The following GSN variants were observed in gnomAD, a reference collection of about 807,000 sequenced individuals.
GSN encodes gelsolin.
GSN carries 56 observed loss-of-function variants against 85.7 expected under a neutral mutation model. The ratio of observed to expected loss-of-function variants is 0.65; its 90% CI spans 0.53 to 0.82. GSN has a LOEUF of 0.82. Among genes scored for constraint, GSN ranks in the 40% least tolerant of loss-of-function variants. The probability of loss-of-function intolerance (pLI) is 0.00; values close to 1 mark genes in which losing one functional copy is unlikely to be tolerated. For synonymous variants in GSN, 373 were observed against 399.1 expected (o/e 0.93, Z 0.78); for missense variants, 857 against 979.8 (o/e 0.87, Z 1.67).
Position 121,299,855 on chromosome 9 carries a change from C to G in GSN, c.-9-2108C>G. On this transcript the variant is annotated intron_variant, in intron 2 of 17. Coordinates refer to ENST00000432226, the MANE Select transcript of GSN (RefSeq NM_198252.3). This position sits in a 1 kb window ranked among gnomAD's most constrained non-coding sequence, Gnocchi z 4.2. ...TGCCGACTGGGTCCCCTGCCGCTGT[C>G]GCCACCATGGCTCCGCACCGCCCCG... 2.2e-6 allele frequency: 3 copies of G among 1,354,824 alleles called. No individual in the cohort carries two copies. Among genetic ancestry groups the G allele is most frequent in the Non-Finnish European group, 2.9e-6 (3 of 1,044,722 alleles). The allele number at this position is 1,354,824 out of a possible 1,614,324, so 83.9% of individuals were successfully genotyped here.
intron 1 of GSN, among the ~76,000 whole-genome samples, chr9:121,208,946 C>T (rs1188112076): frequency 6.6e-6 from 1 of 152,234 alleles, no homozygotes; most frequent in African/African-American, 2.4e-5. Context: ...ATCTTTCCCA[C>T]CAGTGCAGTT....
intron 5 of GSN, among the ~76,000 whole-genome samples, chr9:121,243,804 C>T (rs1423467293): frequency 6.6e-6 from 1 of 152,194 alleles, no homozygotes. Context: ...TCTTGAACTC[C>T]TGACCTCAGG....
intron 1 of GSN, among the ~76,000 whole-genome samples, chr9:121,276,189 C>A (rs880823): frequency 0.38 from 57,551 of 152,178 alleles, 13,571 homozygotes; most frequent in East Asian, 0.62. Flanking sequence ...TTATAAAGAG[C>A]CTGATTATTC....
intron 6 of GSN, among the ~76,000 whole-genome samples, chr9:121,256,301 C>T (rs2054958009): frequency 6.6e-6 from 1 of 151,662 alleles, no homozygotes; most frequent in African/African-American, 2.4e-5. Context: ...GAGTAAGGAG[C>T]CAAAAGAAAA....
At chr9:121,266,032 C>A (rs148937344), upstream of GSN, among the ~76,000 whole-genome samples, 211 of 152,318 alleles carry the variant, frequency 1.4e-3, no homozygotes, top group African/African-American at 4.9e-3. Flanking sequence ...TCATCATTAT[C>A]TTCATTATCA....
chr9:121,306,248 C>A (rs1190798128), intron 4 of GSN, among the ~76,000 whole-genome samples: 1 of 152,196 alleles, frequency 6.6e-6, no homozygotes. Flanking sequence ...ATCACTGGAA[C>A]CTTTCTGTCC....
intron 2 of GSN, chr9:121,283,459 G>A (rs1001170709): frequency 3.9e-5 from 6 of 153,660 alleles, no homozygotes; most frequent in African/African-American, 1.5e-4. Flanking sequence ...CACCATACCC[G>A]GCTAATGTTT....
chr9:121,310,845 C>T lies in GSN; in HGVS notation c.513C>T (p.Asn171=), dbSNP rs765499763. 1.1e-5 allele frequency: 17 copies of T among 1,613,774 alleles called. No individual in the cohort carries two copies. Among genetic ancestry groups the T allele is most frequent in the Middle Eastern group, 1.7e-4 (1 of 5,928 alleles). ...NGDCFILDLG[N]NIHQWCGSNS... is the part of the protein sequence containing the mutation. Reference sequence around the variant, plus strand: ...ACTGCTTCATCCTGGACCTGGGCAACGTGAGTCCTGCTTTCCTCTTTCCCA... The same window carrying T: ...ACTGCTTCATCCTGGACCTGGGCAATGTGAGTCCTGCTTTCCTCTTTCCCA... The change falls in exon 5 of 18, where the codon AAC becomes AAT. Residue 171 remains asparagine (N), a splice_region_variant and synonymous_variant. Transcript: ENST00000432226.
intron 1 of GSN, among the ~76,000 whole-genome samples, chr9:121,272,269 G>C (rs963394820): frequency 1.3e-5 from 2 of 152,180 alleles, no homozygotes; most frequent in East Asian, 3.9e-4. Context: ...AGCAATTTAA[G>C]AATAGGGCAG....
intron 4 of GSN, among the ~76,000 whole-genome samples, chr9:121,213,159 A>G (rs2053998356): frequency 6.6e-6 from 1 of 152,204 alleles, no homozygotes. Flanking sequence ...AGTATCTACA[A>G]GTTATAAAAT....
chr9:121,251,939 C>T (rs188108925), intron 6 of GSN, among the ~76,000 whole-genome samples: 3 of 152,124 alleles, frequency 2.0e-5, no homozygotes, highest in South Asian at 2.1e-4. Flanking sequence ...CCAGCCTGGG[C>T]GACAAGAGCA....
intron 11 of GSN, among the ~76,000 whole-genome samples, chr9:121,322,690 A>G (rs2062626492): frequency 6.6e-6 from 1 of 152,180 alleles, no homozygotes; most frequent in African/African-American, 2.4e-5. Context: ...CTGGTTCCCT[A>G]TAGTCACACT....
intron 2 of GSN, among the ~76,000 whole-genome samples, chr9:121,298,152 G>T (rs746831170): frequency 1.3e-4 from 19 of 151,930 alleles, no homozygotes; most frequent in Non-Finnish European, 2.2e-4. Flanking sequence ...TGGCACACAG[G>T]CCTCGGTGAC....
chr9:121,267,626 C>T (rs1312899131), upstream of GSN, among the ~76,000 whole-genome samples: 1 of 152,112 alleles, frequency 6.6e-6, no homozygotes, highest in African/African-American at 2.4e-5. Flanking sequence ...ACTTTAAGGA[C>T]CAGGGATGCA....
chr9:121,246,986 G>A (rs1289875496), intron 5 of GSN, among the ~76,000 whole-genome samples: 1 of 152,308 alleles, frequency 6.6e-6, no homozygotes, highest in East Asian at 1.9e-4. Context: ...TCCCAGAGAC[G>A]TGTAGGTGGG....
chr9:121,221,401 C>T (rs774104593), intron 4 of GSN, among the ~76,000 whole-genome samples: 4 of 152,222 alleles, frequency 2.6e-5, no homozygotes, highest in Non-Finnish European at 4.4e-5. Flanking sequence ...CCCAGCCCAG[C>T]CCCCAGAAGG....
In GSN at chr9:121,329,201, G is replaced by T. The variant is rs778729071; in HGVS notation, c.1888-37G>T. On this transcript the variant is annotated intron_variant, in intron 15 of 17. Transcript: ENST00000432226. The surrounding 1 kb of genome is among the most constrained non-coding windows in gnomAD (Gnocchi z 4.6). ...ATAAAGGAAGGCCACCCAGGGGAGGGAAGACATCTCACTGATGCTCTTTCG... is the reference window on the plus strand; with the variant it reads ...ATAAAGGAAGGCCACCCAGGGGAGGTAAGACATCTCACTGATGCTCTTTCG... 12 of 1,529,502 alleles carry T rather than the reference G, an allele frequency of 7.8e-6. No homozygotes were observed. The highest frequency in any genetic ancestry group is 1.0e-5 in the Non-Finnish European group (11 of 1,103,202). 94.7% of individuals were successfully genotyped at this position (1,529,502 alleles called of 1,614,324 possible).
intron 12 of GSN, 117 bp from the exon 13 acceptor site, chr9:121,326,395 A>G (rs1302045459): frequency 3.6e-6 from 3 of 837,532 alleles, no homozygotes; most frequent in Admixed American, 3.9e-5. Flanking sequence ...GTCACATTCC[A>G]TGCCACACAC....
At chr9:121,288,501 G>A in intron 2 of GSN, among the ~76,000 whole-genome samples, 1 of 152,176 alleles carries the variant, frequency 6.6e-6, no homozygotes, top group East Asian at 1.9e-4. Context: ...CACTCACTCT[G>A]TGCCAGCTTC....
Sources: allele counts gnomAD v4.1 joint callset (sites outside exome capture counted in the v4.1 genomes callset), GRCh38; gene constraint gnomAD v4.1.1; non-coding constraint Gnocchi (gnomAD v3.1); transcripts MANE v1.5; gene names NCBI Gene and HGNC (gene_info 2026-07-23, HGNC 2026-07-21).